Variants in SEMA4A observed in about 807,000 individuals in gnomAD.
The protein encoded by SEMA4A is semaphorin 4A, also known as semaphorin-4A.
A neutral mutation model predicts 72.5 loss-of-function variants in SEMA4A; 52 were observed. That is an observed-to-expected ratio of 0.72 (90% CI 0.57 to 0.90). The LOEUF (loss-of-function observed/expected upper bound fraction) is 0.90, where lower values mean the gene tolerates loss of function less well. SEMA4A is among the 40% of genes least tolerant of loss of function. The pLI is 0.00. For synonymous variants in SEMA4A, 369 were observed against 393.1 expected, an observed-to-expected ratio of 0.94 and a Z score of 0.73; for missense variants, 926 against 959.7, an observed-to-expected ratio of 0.96 and a Z score of 0.46.
chr1:156,154,043 C>T (rs1652770740), intron 1 of SEMA4A, among the ~76,000 whole-genome samples: 1 of 152,184 alleles, frequency 6.6e-6, no homozygotes, highest in Admixed American at 6.5e-5. Context: ...CAGACTCAAA[C>T]CCAGTCTGCC....
rs778628073 is a variant in SEMA4A at position 156,161,004 on chromosome 1, C to T, written c.785C>T (p.Thr262Ile). Residue 262 changes from threonine to isoleucine, a missense_variant, in exon 8 of 15, where the codon ACA (threonine) becomes ATA (isoleucine). By Grantham distance (89) the Thr-to-Ile change is moderately conservative. Transcript: ENST00000368285. ...TTTGACTTCTTTGAGAGGCTCCACA[C>T]ATCGCGGGTGGCTAGAGTCTGCAAG... ...SEFDFFERLH[T>I]SRVARVCKND... 3 of 1,611,370 alleles carry T rather than the reference C, an allele frequency of 1.9e-6. No individual in the cohort carries two copies. Among genetic ancestry groups the T allele is most frequent in the Non-Finnish European group, 8.5e-7 (1 of 1,179,338 alleles).
chr1:156,176,305 A>G, intron 14 of SEMA4A, 100 bp from the exon 15 acceptor site: 1 of 984,112 alleles, frequency 1.0e-6, no homozygotes, highest in Non-Finnish European at 1.5e-6. Context: ...CAAAAAAAAA[A>G]AAAAAAGAGG....
In SEMA4A at chr1:156,163,074, A is replaced by G. The variant is rs1653819596; in HGVS notation, c.1114A>G (p.Thr372Ala). Residue 372 changes from threonine to alanine, a missense_variant, in exon 10 of 15, where the codon ACC becomes GCC. Thr to Ala is a moderately conservative substitution (Grantham distance 58, BLOSUM62 0). Transcript: ENST00000368285. ...SRWTTYRGPE[T>A]NPRPGSCSVG... The stretch of plus-strand genomic sequence containing the variant: ...CTGGACTACTTATAGGGGCCCTGAG[A>G]CCAACCCCCGGCCAGGCAGTGTGAG... 2 of 1,614,094 alleles carry G rather than the reference A, an allele frequency of 1.2e-6. No individual in the cohort carries two copies.
intron 10 of SEMA4A, among the ~76,000 whole-genome samples, chr1:156,169,573 C>T (rs1654510360): frequency 6.6e-6 from 1 of 150,576 alleles, no homozygotes; most frequent in African/African-American, 2.4e-5. Context: ...GCGCCCGCCA[C>T]CATGCCTGGC....
chr1:156,156,515 C>G lies in SEMA4A; in HGVS notation c.241C>G (p.Arg81Gly), dbSNP rs745715951. 6 of 1,614,030 alleles carry G rather than the reference C, an allele frequency of 3.7e-6. No individual in the cohort carries two copies. The highest frequency in any genetic ancestry group is 5.1e-6 in the Non-Finnish European group (6 of 1,179,988). The change falls in exon 3 of 15, where the codon CGA (arginine) becomes GGA (glycine). Residue 81 changes from arginine (R) to glycine (G), a missense_variant. Physicochemically the swap from Arg to Gly is moderately radical, Grantham distance 125 (BLOSUM62 -2). Coordinates refer to ENST00000368285, the MANE Select transcript of SEMA4A (RefSeq NM_022367.4). ...TGGAAATACTCTCTACGTGGGGGCT[C>G]GAGAAGCCATTCTGGCCTTGGATAT... The part of the protein sequence containing the change: ...GDGNTLYVGA[R>G]EAILALDIQD...
chr1:156,162,885 G>A lies in SEMA4A; in HGVS notation c.984-59G>A. ...GTTTTCTCACTGAGGGCCAGCGCTG[G>A]AGAGAGAGCTGCTGGTGTGGCAGAG... On this transcript the variant is annotated intron_variant, in intron 9 of 14. Coordinates refer to ENST00000368285, the MANE Select transcript of SEMA4A (RefSeq NM_022367.4). The A allele has an allele frequency of 3.7e-6, 6 of 1,607,436 alleles. No homozygotes were observed. The South Asian group carries it at 6.6e-5, about 18-fold the overall frequency.
In SEMA4A at chr1:156,156,405, C is replaced by T. The variant is rs377065339; in HGVS notation, c.140-9C>T. 1.9e-6 allele frequency: 3 copies of T among 1,613,804 alleles called. No individual in the cohort carries two copies. The highest frequency in any genetic ancestry group is 2.5e-6 in the Non-Finnish European group (3 of 1,179,802). On this transcript the variant is annotated splice_polypyrimidine_tract_variant and intron_variant, in intron 2 of 14. Transcript: ENST00000368285. ...CCTCATCACTCTCTCTGTCTTACTC[C>T]TCCAACAGGGGATGAACGTAGGGCA...
upstream of SEMA4A, among the ~76,000 whole-genome samples, chr1:156,151,077 G>T (rs546091221): frequency 6.6e-6 from 1 of 152,312 alleles, no homozygotes; most frequent in East Asian, 1.9e-4. Flanking sequence ...CATTTGTACG[G>T]TTGTCAGGAA....
chr1:156,162,028 C>G (rs976767665), intron 9 of SEMA4A, among the ~76,000 whole-genome samples: 1 of 152,042 alleles, frequency 6.6e-6, no homozygotes, highest in Non-Finnish European at 1.5e-5. Context: ...TTTGGGAGGC[C>G]GAGGTGGGCA....
In SEMA4A at chr1:156,157,001, G is replaced by T. The variant is rs1256425356; in HGVS notation, c.300+427G>T. ...CCTGCCTCAGCCTCCCAAAGAGTTG[G>T]GATTACAGGCGTGAGCCACCGCACC... On this transcript the variant is annotated intron_variant, in intron 3 of 14. Transcript: ENST00000368285. The surrounding 1 kb of genome is among the most constrained non-coding windows in gnomAD (Gnocchi z 4.5). 6.6e-6 allele frequency among the ~76,000 whole-genome samples: 1 copy of T among 152,026 alleles called. No individual in the cohort carries two copies. Among genetic ancestry groups the T allele is most frequent in the Non-Finnish European group, 1.5e-5 (1 of 67,988 alleles).
intron 11 of SEMA4A, among the ~76,000 whole-genome samples, chr1:156,174,313 T>C (rs1655096689): frequency 6.6e-6 from 1 of 152,142 alleles, no homozygotes; most frequent in African/African-American, 2.4e-5. Context: ...AACAAAACAG[T>C]CAAAAATCTC....
In SEMA4A at chr1:156,154,592, C is replaced by G. The variant is rs920318823; in HGVS notation, c.14C>G (p.Ala5Gly). The change falls in exon 2 of 15, where the codon GCC becomes GGC. Residue 5 changes from alanine to glycine, a missense_variant. Physicochemically the swap from Ala to Gly is moderately conservative, Grantham distance 60. Transcript: ENST00000368285. The part of the protein sequence containing the change: MALP[A>G]LGLDPWSLLG... ...CTGTGGCTGAGCATGGCCCTCCCAG[C>G]CCTGGGCCTGGACCCCTGGAGCCTC... The G allele has an allele frequency of 1.7e-5, 28 of 1,610,598 alleles. No individual in the cohort carries two copies. The highest frequency in any genetic ancestry group is 2.4e-5 in the Non-Finnish European group (28 of 1,179,444).
intron 2 of SEMA4A, chr1:156,155,166 A>G (rs970822385): frequency 1.6e-5 from 3 of 185,444 alleles, no homozygotes; most frequent in African/African-American, 7.1e-5. Flanking sequence ...GGACCATACC[A>G]TGTCCAGGAC....
chr1:156,154,879 C>A, intron 2 of SEMA4A, 162 bp downstream of exon 2: 1 of 926,146 alleles, frequency 1.1e-6, no homozygotes, highest in Non-Finnish European at 1.6e-6. Flanking sequence ...AAGAGAGACA[C>A]AGCCAGAAAC....
At chr1:156,167,088 G>A (rs1042960839) in intron 10 of SEMA4A, among the ~76,000 whole-genome samples, 4 of 151,802 alleles carry the variant, frequency 2.6e-5, no homozygotes, top group Non-Finnish European at 4.4e-5. Flanking sequence ...TTTTGTAGAG[G>A]CAGGGTCTCA....
intron 10 of SEMA4A, among the ~76,000 whole-genome samples, chr1:156,163,646 G>A (rs903127314): frequency 2.7e-5 from 4 of 150,284 alleles, no homozygotes; most frequent in Non-Finnish European, 4.4e-5. Context: ...GCTTGAACCC[G>A]GGAGGCAGAG....
At chr1:156,170,796 C>T (rs1011021183) in intron 10 of SEMA4A, among the ~76,000 whole-genome samples, 6 of 151,812 alleles carry the variant, frequency 4.0e-5, no homozygotes, top group Middle Eastern at 3.4e-3. Flanking sequence ...TGGCACACAC[C>T]TGTGGTTCCA....
chr1:156,174,793 T>C, intron 11 of SEMA4A, 29 bp from the exon 12 acceptor site: 1 of 1,614,136 alleles, frequency 6.2e-7, no homozygotes, highest in Non-Finnish European at 8.5e-7. Context: ...TGAGATGAGA[T>C]GACTTCCACT....
chr1:156,176,377 C>T, intron 14 of SEMA4A, 28 bp from the exon 15 acceptor site: 1 of 1,531,914 alleles, frequency 6.5e-7, no homozygotes, highest in Non-Finnish European at 9.0e-7. Context: ...TCTCCCTTAA[C>T]CCTTTTGCTC....
Sources: allele counts gnomAD v4.1 joint callset (sites outside exome capture counted in the v4.1 genomes callset), GRCh38; gene constraint gnomAD v4.1.1; non-coding constraint Gnocchi (gnomAD v3.1); transcripts MANE v1.5; gene names NCBI Gene and HGNC (gene_info 2026-07-23, HGNC 2026-07-21).